Variants in SYNPR observed in about 807,000 individuals in gnomAD.
SYNPR encodes the protein synaptoporin.
Under a neutral mutation model 32.9 loss-of-function variants are expected in SYNPR, and 23 were observed. The observed-to-expected ratio is 0.70, with a 90% CI of 0.50 to 0.99. The LOEUF (loss-of-function observed/expected upper bound fraction) is 0.99. Among genes scored for constraint, SYNPR ranks in the 50% least tolerant of loss-of-function variants. The pLI is 0.00. For synonymous variants in SYNPR, 146 were observed against 135.9 expected, an observed-to-expected ratio of 1.07 and a Z score of -0.52; for missense variants, 318 against 349.3, an observed-to-expected ratio of 0.91 and a Z score of 0.71.
At chr3:63,299,288 C>T (rs2086820106) in intron 2 of SYNPR, among the ~76,000 whole-genome samples, 1 of 152,050 alleles carries the variant, frequency 6.6e-6, no homozygotes, top group African/African-American at 2.4e-5. Context: ...TTTTTTTTAG[C>T]ATCATTATTC....
chr3:63,379,208 C>A (rs1180614286), intron 2 of SYNPR, among the ~76,000 whole-genome samples: 1 of 151,862 alleles, frequency 6.6e-6, no homozygotes, highest in East Asian at 1.9e-4. Flanking sequence ...TGTTTTATGG[C>A]CTTGGATATG....
At chr3:63,614,405 C>A (rs374694360) in intron 5 of SYNPR, among the ~76,000 whole-genome samples, 5 of 152,122 alleles carry the variant, frequency 3.3e-5, no homozygotes, top group Admixed American at 6.5e-5. Context: ...CCTGGGGAGG[C>A]GACACCCAGT....
At chr3:63,503,557 G>GT (rs1162617684) in intron 3 of SYNPR, among the ~76,000 whole-genome samples, 1 of 151,916 alleles carries the variant, frequency 6.6e-6, no homozygotes, top group Non-Finnish European at 1.5e-5. Flanking sequence ...CTTTTTTACT[G>GT]TTTTTTGTTT....
At chr3:63,294,645 T>G (rs1002554386) in intron 2 of SYNPR, among the ~76,000 whole-genome samples, 4 of 152,176 alleles carry the variant, frequency 2.6e-5, no homozygotes, top group Non-Finnish European at 5.9e-5. Flanking sequence ...ACTGAGGCTT[T>G]CTTTCTCTGA....
intron 2 of SYNPR, among the ~76,000 whole-genome samples, chr3:63,454,559 C>T (rs561030480): frequency 1.1e-4 from 17 of 152,238 alleles, no homozygotes; most frequent in Non-Finnish European, 2.1e-4. Context: ...GGGAGAGAAA[C>T]TATGGCTCAG....
intron 4 of SYNPR, among the ~76,000 whole-genome samples, chr3:63,575,349 C>G (rs1192009130): frequency 6.6e-6 from 1 of 152,158 alleles, no homozygotes; most frequent in African/African-American, 2.4e-5. Flanking sequence ...CTCTGGCCTT[C>G]CAGATTTTTC....
At chr3:63,246,209 T>A (rs892746616) in intron 1 of SYNPR, among the ~76,000 whole-genome samples, 1 of 152,092 alleles carries the variant, frequency 6.6e-6, no homozygotes, top group Admixed American at 6.6e-5. Flanking sequence ...GGCACTGACA[T>A]AATTAAATAT....
chr3:63,435,809 G>A (rs961268666), intron 2 of SYNPR, among the ~76,000 whole-genome samples: 4 of 152,050 alleles, frequency 2.6e-5, no homozygotes, highest in Non-Finnish European at 5.9e-5. Flanking sequence ...TGAAAGTCTA[G>A]GCCAATATGT....
chr3:63,436,226 C>T (rs1286240379), intron 2 of SYNPR, among the ~76,000 whole-genome samples: 1 of 151,496 alleles, frequency 6.6e-6, no homozygotes, highest in African/African-American at 2.4e-5. Flanking sequence ...TAGATGTGCA[C>T]AATGTGCAGG....
chr3:63,454,822 T>G (rs2106640994), intron 2 of SYNPR, among the ~76,000 whole-genome samples: 1 of 152,166 alleles, frequency 6.6e-6, no homozygotes, highest in East Asian at 1.9e-4. Flanking sequence ...TTATTGTAGG[T>G]TTAAACTATT....
chr3:63,201,126 C>T, the SYNPR span, among the ~76,000 whole-genome samples: 1 of 152,146 alleles, frequency 6.6e-6, no homozygotes, highest in African/African-American at 2.4e-5. Flanking sequence ...AAGGACTGAA[C>T]AACTGTCTCA....
chr3:63,224,009 C>A (rs912838336), upstream of SYNPR, among the ~76,000 whole-genome samples: 1 of 152,022 alleles, frequency 6.6e-6, no homozygotes, highest in Admixed American at 6.6e-5. Context: ...TAGTCCTTGC[C>A]CTTAAAAAGT....
intron 2 of SYNPR, among the ~76,000 whole-genome samples, chr3:63,380,728 G>A (rs2087956487): frequency 2.0e-5 from 3 of 152,140 alleles, no homozygotes; most frequent in African/African-American, 7.2e-5. Context: ...TTCATCCCTG[G>A]GATGCAAGGC....
chr3:63,240,111 C>A (rs1375735318), intron 1 of SYNPR, among the ~76,000 whole-genome samples: 5 of 152,054 alleles, frequency 3.3e-5, no homozygotes, highest in Non-Finnish European at 7.4e-5. Context: ...TCTCCTTACT[C>A]CTCATGAGTT....
At chr3:63,475,037 G>A (rs1700874073) in intron 2 of SYNPR, among the ~76,000 whole-genome samples, 1 of 152,144 alleles carries the variant, frequency 6.6e-6, no homozygotes, top group African/African-American at 2.4e-5. Flanking sequence ...TGAGCTGCTT[G>A]CCCTTTTCCC....
At chr3:63,500,330 T>C (rs1230516086) in intron 3 of SYNPR, among the ~76,000 whole-genome samples, 1 of 152,142 alleles carries the variant, frequency 6.6e-6, no homozygotes, top group Non-Finnish European at 1.5e-5. Flanking sequence ...TTGGAAACAC[T>C]GTCCTAGAGA....
chr3:63,475,579 T>C (rs935805807), intron 2 of SYNPR, among the ~76,000 whole-genome samples: 3 of 152,194 alleles, frequency 2.0e-5, no homozygotes, highest in Non-Finnish European at 4.4e-5. Flanking sequence ...GTGTGGAGCC[T>C]AGAATTTGAA....
At chr3:63,597,098 T>C (rs1199714931) in intron 4 of SYNPR, among the ~76,000 whole-genome samples, 5 of 152,174 alleles carry the variant, frequency 3.3e-5, no homozygotes. Flanking sequence ...ATTGCATCAA[T>C]TTCTCTTTGC....
intron 3 of SYNPR, among the ~76,000 whole-genome samples, chr3:63,508,718 A>G (rs1170118985): frequency 6.6e-6 from 1 of 152,144 alleles, no homozygotes; most frequent in Non-Finnish European, 1.5e-5. Context: ...GAACATAACC[A>G]TTCTGATTGG....
Sources: allele counts gnomAD v4.1 joint callset (sites outside exome capture counted in the v4.1 genomes callset), GRCh38; gene constraint gnomAD v4.1.1; transcripts MANE v1.5; gene names NCBI Gene and HGNC (gene_info 2026-07-23, HGNC 2026-07-21).